NCKAP5L: variants seen among roughly 807,000 people sequenced by gnomAD.
The protein encoded by NCKAP5L is NCK associated protein 5 like, also known as nck-associated protein 5-like.
A neutral mutation model predicts 103.2 loss-of-function variants in NCKAP5L; 54 were observed. The ratio of observed to expected loss-of-function variants is 0.52; its 90% CI spans 0.42 to 0.66. NCKAP5L has a LOEUF of 0.66. Ranked by LOEUF, NCKAP5L falls within the 30% of genes least tolerant of loss-of-function variation. The probability of loss-of-function intolerance (pLI) is 0.00; values close to 1 mark genes in which losing one functional copy is unlikely to be tolerated. For synonymous variants in NCKAP5L, 762 were observed against 748.6 expected (o/e 1.02, Z -0.29); for missense variants, 1,733 against 1,750.6 (o/e 0.99, Z 0.18).
intron 1 of NCKAP5L, 91 bp downstream of exon 1, chr12:49,828,231 A>G: frequency 6.6e-6 from 1 of 151,328 alleles, no homozygotes; most frequent in Non-Finnish European, 1.5e-5. Context: ...CGAGAGCCTT[A>G]CCCTCCACAC....
In NCKAP5L at chr12:49,816,489, C is replaced by A. The variant is rs549509691; in HGVS notation, c.-98-10448G>T. 4.0e-5 allele frequency among the ~76,000 whole-genome samples: 4 copies of A among 100,294 alleles called. No individual in the cohort carries two copies. In the South Asian group the frequency reaches 1.4e-3, roughly 34 times the overall value. 65.8% of individuals were successfully genotyped at this position (100,294 alleles called of 152,430 possible). On this transcript the variant is annotated intron_variant, in intron 1 of 12. Coordinates refer to ENST00000335999, the MANE Select transcript of NCKAP5L (RefSeq NM_001037806.4). ...TCTCTGACCCTTTCAAAGTTCTCAA[C>A]CCTCTCAAAAAAAAAAAAAAAAAAA...
intron 1 of NCKAP5L, among the ~76,000 whole-genome samples, chr12:49,827,536 C>T (rs1021852086): frequency 4.6e-5 from 7 of 152,342 alleles, no homozygotes; most frequent in Middle Eastern, 3.4e-3. Flanking sequence ...AGGATCCGGG[C>T]AGCCGCTTTC....
chr12:49,799,818 T>A (rs984029387), intron 6 of NCKAP5L, among the ~76,000 whole-genome samples: 9 of 152,224 alleles, frequency 5.9e-5, no homozygotes, highest in Admixed American at 2.0e-4. Context: ...CTTGCTGCTC[T>A]CTGGGCTTCC....
chr12:49,796,896 CCAGGGCACCGAG>C lies in NCKAP5L; in HGVS notation c.952_963del (p.Leu318_Leu321del). ...TGGCCCAGGTTCAACTGTCTGCGGGCCAGGGCACCGAGCAGGGTGTCGGGGCTGGGTGCCTCA... is the reference window on the plus strand; with the variant it reads ...TGGCCCAGGTTCAACTGTCTGCGGGCCAGGGTGTCGGGGCTGGGTGCCTCA... On this transcript the variant is annotated inframe_deletion, in exon 8 of 13. Transcript: ENST00000335999. 1 of 1,611,166 alleles carries C rather than the reference CCAGGGCACCGAG, an allele frequency of 6.2e-7. No homozygotes were observed.
At chr12:49,793,081 C>T (rs1430349964) in intron 10 of NCKAP5L, 95 bp from the exon 11 acceptor site, 4 of 1,046,534 alleles carry the variant, frequency 3.8e-6, no homozygotes, top group South Asian at 1.7e-5. Flanking sequence ...TCCACCCTTA[C>T]TCAGGGCCCC....
At chr12:49,814,478 C>T (rs59046026) in intron 1 of NCKAP5L, among the ~76,000 whole-genome samples, 40,393 of 143,948 alleles carry the variant, frequency 0.28, 6,053 homozygotes, top group South Asian at 0.37. Flanking sequence ...TGTGAGACAC[C>T]GTCTCAAAAA....
Position 49,802,918 on chromosome 12 carries a change from T to C in NCKAP5L, c.231+40A>G. 2.5e-6 allele frequency: 4 copies of C among 1,596,910 alleles called. No individual in the cohort carries two copies. In the South Asian group the frequency reaches 3.4e-5, roughly 13 times the overall value. ...AGTCTCCAGGAAGGGTCTCATCTGC[T>C]GTGCCCAGGGCTTCTCCCCAGGGTG... On this transcript the variant is annotated intron_variant, in intron 5 of 12. Coordinates refer to ENST00000335999, the MANE Select transcript of NCKAP5L (RefSeq NM_001037806.4).
chr12:49,823,706 G>A (rs565857863), intron 1 of NCKAP5L, among the ~76,000 whole-genome samples: 1 of 151,972 alleles, frequency 6.6e-6, no homozygotes, highest in East Asian at 1.9e-4. Context: ...CCAGCATAAG[G>A]TTCACAGTGC....
intron 1 of NCKAP5L, among the ~76,000 whole-genome samples, chr12:49,809,635 T>A (rs564619005): frequency 3.3e-5 from 5 of 152,132 alleles, no homozygotes; most frequent in South Asian, 2.1e-4. Flanking sequence ...CACCCAAGAA[T>A]CCACTTGTAA....
chr12:49,809,930 G>C (rs1946221410), intron 1 of NCKAP5L, among the ~76,000 whole-genome samples: 1 of 152,036 alleles, frequency 6.6e-6, no homozygotes, highest in Admixed American at 6.5e-5. Flanking sequence ...GTCTTGGAAG[G>C]GGCCCCCTAC....
intron 1 of NCKAP5L, among the ~76,000 whole-genome samples, chr12:49,807,007 C>A (rs780094688): frequency 2.0e-5 from 3 of 152,312 alleles, no homozygotes; most frequent in Admixed American, 2.0e-4. Context: ...TCCGTTCACA[C>A]AGAGGCCGAC....
intron 1 of NCKAP5L, among the ~76,000 whole-genome samples, chr12:49,824,590 C>T (rs1296966149): frequency 6.6e-6 from 1 of 152,250 alleles, no homozygotes; most frequent in Non-Finnish European, 1.5e-5. Context: ...AAGAGACCAA[C>T]GACCTTTTCC....
At chr12:49,824,591 G>A (rs1013344843) in intron 1 of NCKAP5L, among the ~76,000 whole-genome samples, 5 of 152,214 alleles carry the variant, frequency 3.3e-5, no homozygotes, top group South Asian at 4.1e-4. Context: ...AGAGACCAAC[G>A]ACCTTTTCCC....
At chr12:49,812,940 G>A (rs10875969) in intron 1 of NCKAP5L, among the ~76,000 whole-genome samples, 84,252 of 152,076 alleles carry the variant, frequency 0.55, 25,402 homozygotes, top group East Asian at 0.79. Flanking sequence ...TTCCTCTGGT[G>A]TACTTTATAA....
chr12:49,807,244 TTC>T (rs1206764666), intron 1 of NCKAP5L, among the ~76,000 whole-genome samples: 1 of 141,900 alleles, frequency 7.0e-6, no homozygotes, highest in Non-Finnish European at 1.5e-5. Context: ...AGAATGCTTC[TTC>T]GTGTGTGTGT....
rs751153560 is a variant in NCKAP5L, at chr12:49,795,919, C to A, written c.1941G>T (p.Gln647His). Reference protein sequence around the residue: ...TPGNSSKKPSQGSGRRPGDPG... With the variant: ...TPGNSSKKPSHGSGRRPGDPG... ...GATCCCCAGGTCGCCGTCCTGACCC[C>A]TGGCTGGGCTTCTTGGATGAGTTGC... Residue 647 changes from glutamine to histidine, a missense_variant, in exon 8 of 13, where the codon CAG (glutamine) becomes CAT (histidine). Gln to His is a conservative substitution (Grantham distance 24). Transcript: ENST00000335999. 7.2e-6 allele frequency: 11 copies of A among 1,527,132 alleles called. No individual in the cohort carries two copies. Among genetic ancestry groups the A allele is most frequent in the African/African-American group, 2.8e-5 (2 of 71,732 alleles). The allele number at this position is 1,527,132 out of a possible 1,614,324, so 94.6% of individuals were successfully genotyped here.
At chr12:49,804,663 G>C (rs1946159903) in intron 2 of NCKAP5L, 1 of 152,222 alleles carries the variant, frequency 6.6e-6, no homozygotes, top group Non-Finnish European at 1.5e-5. Context: ...TGCTTAGTAT[G>C]AACTGGGTGA....
At chr12:49,817,791 C>A (rs73114137) in intron 1 of NCKAP5L, among the ~76,000 whole-genome samples, 42,650 of 151,908 alleles carry the variant, frequency 0.28, 6,391 homozygotes, top group South Asian at 0.37. Context: ...TTAGATTAGA[C>A]CCTCATCTCA....
At chr12:49,802,600 G>C (rs1319639945) in intron 5 of NCKAP5L, 26 of 284,440 alleles carry the variant, frequency 9.1e-5, no homozygotes, top group Non-Finnish European at 9.3e-5. Context: ...GACAGAGCAA[G>C]GCCTTGGAGT....
Sources: allele counts gnomAD v4.1 joint callset (sites outside exome capture counted in the v4.1 genomes callset), GRCh38; gene constraint gnomAD v4.1.1; transcripts MANE v1.5; gene names NCBI Gene and HGNC (gene_info 2026-07-23, HGNC 2026-07-21).